PAXIP1: variants seen among roughly 807,000 people sequenced by gnomAD.
PAXIP1 encodes the protein PAX-interacting protein 1.
PAXIP1 carries 19 observed loss-of-function variants against 140.6 expected under a neutral mutation model. The ratio of observed to expected loss-of-function variants is 0.14; its 90% CI spans 0.09 to 0.20. The LOEUF (loss-of-function observed/expected upper bound fraction) is 0.20, where lower values mean the gene tolerates loss of function less well. Ranked by LOEUF, PAXIP1 falls within the 10% of genes least tolerant of loss-of-function variation. The pLI is 1.00. For synonymous variants in PAXIP1, 442 were observed against 444.6 expected, an observed-to-expected ratio of 0.99 and a Z score of 0.07; for missense variants, 920 against 1,208.6, an observed-to-expected ratio of 0.76 and a Z score of 3.54.
intron 5 of PAXIP1, among the ~76,000 whole-genome samples, chr7:154,979,990 C>G (rs1382753620): frequency 1.3e-5 from 2 of 152,140 alleles, no homozygotes; most frequent in East Asian, 3.8e-4. Flanking sequence ...TTACCACTCC[C>G]CGAAATTTTG....
intron 2 of PAXIP1, among the ~76,000 whole-genome samples, chr7:154,997,785 T>C (rs1810706296): frequency 6.6e-6 from 1 of 152,144 alleles, no homozygotes; most frequent in Admixed American, 6.5e-5. Context: ...GGGTAGACAA[T>C]GTGACTAAAG....
chr7:154,988,301 T>C (rs1350376943), intron 4 of PAXIP1, among the ~76,000 whole-genome samples: 1 of 152,154 alleles, frequency 6.6e-6, no homozygotes, highest in Non-Finnish European at 1.5e-5. Flanking sequence ...ACACCTTACA[T>C]CCACTCTGTC....
chr7:154,993,984 A>AT (rs1317576777), intron 2 of PAXIP1, among the ~76,000 whole-genome samples: 2 of 152,144 alleles, frequency 1.3e-5, no homozygotes, highest in Admixed American at 6.5e-5. Flanking sequence ...GCACTACCAT[A>AT]TTTTTTTAAA....
At chr7:154,995,636 G>C (rs1348864021) in intron 2 of PAXIP1, among the ~76,000 whole-genome samples, 1 of 152,204 alleles carries the variant, frequency 6.6e-6, no homozygotes, top group Non-Finnish European at 1.5e-5. Context: ...GATCACTTGA[G>C]GTGACAGGTT....
At chr7:155,002,517 G>C (rs1810960838) in intron 1 of PAXIP1, among the ~76,000 whole-genome samples, 1 of 151,956 alleles carries the variant, frequency 6.6e-6, no homozygotes, top group Admixed American at 6.6e-5. Context: ...GCGACCCCGC[G>C]CCCGTCCCGC....
At chr7:154,947,247 G>A in intron 17 of PAXIP1, 2 of 160,894 alleles carry the variant, frequency 1.2e-5, no homozygotes, top group Admixed American at 6.0e-5. Context: ...ACTCAGAGCA[G>A]GAAATGATAT....
rs1361662809 is a variant in PAXIP1 at position 154,944,079 on chromosome 7, G to A, written c.*70C>T. The A allele has an allele frequency of 1.1e-5, 16 of 1,498,564 alleles. No individual in the cohort carries two copies. The highest frequency in any genetic ancestry group is 2.3e-5 in the East Asian group (1 of 43,936). 92.8% of individuals were successfully genotyped at this position (1,498,564 alleles called of 1,614,324 possible). On this transcript the variant is annotated 3_prime_UTR_variant, in exon 21 of 21. Transcript: ENST00000404141. ...AACAAGAGCATGTGAAGGAAGCGCA[G>A]CAGCTCCTCGCCAGCCAGACAGCCA...
At chr7:154,985,916 G>T in intron 4 of PAXIP1, 1 of 897,746 alleles carries the variant, frequency 1.1e-6, no homozygotes, top group Non-Finnish European at 1.5e-6. Flanking sequence ...AAATACTGTT[G>T]ATTGAGATAC....
chr7:154,992,089 G>A (rs1585083031), intron 3 of PAXIP1, among the ~76,000 whole-genome samples: 2 of 152,158 alleles, frequency 1.3e-5, no homozygotes, highest in South Asian at 4.1e-4. Context: ...AAGACTTGGG[G>A]AAATATTAAT....
intron 5 of PAXIP1, among the ~76,000 whole-genome samples, chr7:154,980,780 T>G (rs967751743): frequency 1.3e-5 from 2 of 152,204 alleles, no homozygotes; most frequent in Non-Finnish European, 2.9e-5. Flanking sequence ...AAATCCTGGA[T>G]GTTTTTCATT....
At chr7:154,959,261 T>C (rs1424945914) in intron 13 of PAXIP1, among the ~76,000 whole-genome samples, 2 of 152,216 alleles carry the variant, frequency 1.3e-5, no homozygotes, top group African/African-American at 2.4e-5. Context: ...AAACAAAGGT[T>C]AGTATGTAAC....
At chr7:155,002,671 C>T (rs1339382691) in intron 1 of PAXIP1, among the ~76,000 whole-genome samples, 178 bp downstream of exon 1, 2 of 151,378 alleles carry the variant, frequency 1.3e-5, no homozygotes, top group African/African-American at 4.8e-5. Context: ...CGGGCCCGGG[C>T]CTCCCGCGCC....
chr7:154,980,640 C>A (rs1213996371), intron 5 of PAXIP1, among the ~76,000 whole-genome samples: 3 of 152,164 alleles, frequency 2.0e-5, no homozygotes, highest in African/African-American at 7.2e-5. Flanking sequence ...TCTCAAACTT[C>A]TGGGCTCAAG....
chr7:154,989,325 G>A (rs1211443684), intron 4 of PAXIP1, among the ~76,000 whole-genome samples: 4 of 152,166 alleles, frequency 2.6e-5, no homozygotes, highest in Middle Eastern at 3.2e-3. Context: ...ACCCAGCTCC[G>A]TAATCCTCTA....
chr7:154,965,688 C>A (rs1186135732), intron 8 of PAXIP1: 1 of 152,142 alleles, frequency 6.6e-6, no homozygotes, highest in Non-Finnish European at 1.5e-5. Context: ...ATAACATTTT[C>A]TTTTCTTTAG....
intron 5 of PAXIP1, among the ~76,000 whole-genome samples, chr7:154,980,327 G>A (rs1809781308): frequency 6.6e-6 from 1 of 151,860 alleles, no homozygotes; most frequent in South Asian, 2.1e-4. Context: ...CATTACAACA[G>A]ATATACAACA....
chr7:154,951,572 T>G (rs1808274855), intron 16 of PAXIP1: 1 of 152,212 alleles, frequency 6.6e-6, no homozygotes, highest in Non-Finnish European at 1.5e-5. Context: ...TTCTCAGTAT[T>G]AAATGTTTAT....
chr7:154,968,312 A>G (rs1383304802), intron 7 of PAXIP1, 91 bp downstream of exon 7: 3 of 1,040,686 alleles, frequency 2.9e-6, no homozygotes, highest in Non-Finnish European at 2.8e-6. Flanking sequence ...TTGTTTTGAT[A>G]TGAATCCTCA....
chr7:154,959,408 G>A (rs1585046036), intron 13 of PAXIP1, among the ~76,000 whole-genome samples: 1 of 152,186 alleles, frequency 6.6e-6, no homozygotes, highest in Admixed American at 6.5e-5. Flanking sequence ...AAAAATTATT[G>A]AAGTGGTCCT....
Sources: gnomAD v4.1 joint callset for allele counts (sites outside exome capture counted in the v4.1 genomes callset) on GRCh38, gnomAD v4.1.1 for gene constraint, MANE v1.5 for transcripts, NCBI Gene and HGNC (gene_info 2026-07-23, HGNC 2026-07-21) for gene names.